The following RBFOX1 variants were observed in gnomAD, a reference collection of about 807,000 sequenced individuals.
The protein encoded by RBFOX1 is RNA binding fox-1 homolog 1, also known as RNA binding protein fox-1 homolog 1.
In RBFOX1, 8 loss-of-function variants were observed where a neutral mutation model predicts 57.7. The observed-to-expected ratio is 0.14, with a 90% confidence interval of 0.08 to 0.25. RBFOX1 has a LOEUF of 0.25. Ranked by LOEUF, RBFOX1 falls within the 10% of genes least tolerant of loss-of-function variation. The probability of loss-of-function intolerance (pLI) is 1.00; values close to 1 mark genes in which losing one functional copy is unlikely to be tolerated. For synonymous variants in RBFOX1, 326 were observed against 222.4 expected, an observed-to-expected ratio of 1.47 and a Z score of -4.15; for missense variants, 611 against 548.5, an observed-to-expected ratio of 1.11 and a Z score of -1.14.
In RBFOX1 at chr16:6,359,078, T is replaced by TTTTGTTTG. The variant is rs149046972; in HGVS notation, c.-64+42045_-64+42052dup. On this transcript the variant is annotated intron_variant, in intron 2 of 15. Transcript: ENST00000550418. Reference sequence around the variant, plus strand: ...ATGCTCAGCTTGTTGTTGAAAGGGTTTTTGTTTGTTTGTTTGTTTGTTTGT... The same window carrying TTTTGTTTG: ...ATGCTCAGCTTGTTGTTGAAAGGGTTTTTGTTTGTTTGTTTGTTTGTTTGTTTGTTTGT... Among the ~76,000 whole-genome samples, 1,126 of 151,160 alleles carry TTTTGTTTG rather than the reference T, an allele frequency of 7.4e-3. 19 individuals are homozygous for TTTTGTTTG. Among genetic ancestry groups the TTTTGTTTG allele is most frequent in the African/African-American group, 0.025 (1,014 of 40,928 alleles).
intron 4 of RBFOX1, among the ~76,000 whole-genome samples, chr16:7,224,552 G>C (rs1042733166): frequency 6.6e-6 from 1 of 152,152 alleles, no homozygotes; most frequent in African/African-American, 2.4e-5. Flanking sequence ...ATCAGAGGGA[G>C]GTTTGAGCAT....
chr16:7,168,479 A>G (rs373801752), intron 4 of RBFOX1, among the ~76,000 whole-genome samples: 1 of 152,184 alleles, frequency 6.6e-6, no homozygotes, highest in East Asian at 1.9e-4. Flanking sequence ...AGAGGTGGCT[A>G]TAGGAAACCT....
intron 3 of RBFOX1, among the ~76,000 whole-genome samples, chr16:5,808,629 C>T (rs1197057068): frequency 6.6e-6 from 1 of 152,108 alleles, no homozygotes; most frequent in Non-Finnish European, 1.5e-5. Context: ...TGAAGAGGTC[C>T]TTTACGTCCC....
chr16:6,352,189 C>A (rs1280213318), intron 2 of RBFOX1, among the ~76,000 whole-genome samples: 1 of 152,156 alleles, frequency 6.6e-6, no homozygotes, highest in African/African-American at 2.4e-5. Context: ...ATATTCTCTG[C>A]TTTATTTTCC....
chr16:7,097,039 C>T (rs1436555620), intron 4 of RBFOX1, among the ~76,000 whole-genome samples: 1 of 148,176 alleles, frequency 6.7e-6, no homozygotes, highest in Admixed American at 6.7e-5. Flanking sequence ...TTGGTAAAAA[C>T]AACAGATGCC....
chr16:6,330,279 T>C (rs1404883203), intron 2 of RBFOX1, among the ~76,000 whole-genome samples: 2 of 152,182 alleles, frequency 1.3e-5, no homozygotes, highest in South Asian at 2.1e-4. Flanking sequence ...CTGAAACAGA[T>C]TGCAAGCTCC....
intron 3 of RBFOX1, among the ~76,000 whole-genome samples, chr16:6,773,546 GGGT>G (rs2078793639): frequency 7.2e-6 from 1 of 139,610 alleles, no homozygotes. Flanking sequence ...GGGGGGCATA[GGGT>G]GCATTTGTGT....
chr16:6,988,301 C>T (rs910955147), intron 3 of RBFOX1, among the ~76,000 whole-genome samples: 11 of 152,096 alleles, frequency 7.2e-5, no homozygotes, highest in Non-Finnish European at 1.5e-4. Flanking sequence ...GCAGTGTAGT[C>T]TATTGGAGTT....
chr16:5,534,916 A>G (rs912712882), intron 2 of RBFOX1, among the ~76,000 whole-genome samples: 3 of 152,184 alleles, frequency 2.0e-5, no homozygotes, highest in East Asian at 3.9e-4. Context: ...AAAATGACCA[A>G]TTTTCAGAAT....
In RBFOX1 at chr16:6,980,688, C is replaced by A. The variant is rs539477236; in HGVS notation, c.-15-71369C>A. 2.0e-5 allele frequency among the ~76,000 whole-genome samples: 3 copies of A among 152,008 alleles called. No homozygotes were observed. The East Asian group carries it at 5.8e-4, about 29-fold the overall frequency. On this transcript the variant is annotated intron_variant, in intron 3 of 15. Coordinates refer to ENST00000550418, the MANE Select transcript of RBFOX1 (RefSeq NM_018723.4). The stretch of plus-strand genomic sequence containing the variant: ...AATACAGCTAAATTTCTGACTCTCC[C>A]GGAGATAATTTGGAGGGAGCAATGT...
intron 3 of RBFOX1, among the ~76,000 whole-genome samples, chr16:5,684,004 G>A (rs753920444): frequency 2.0e-5 from 3 of 151,880 alleles, no homozygotes; most frequent in East Asian, 3.9e-4. Context: ...TTATCACAGC[G>A]TAGGAGAATG....
intron 1 of RBFOX1, among the ~76,000 whole-genome samples, chr16:6,229,929 C>G (rs914475343): frequency 1.3e-5 from 2 of 151,850 alleles, no homozygotes; most frequent in Admixed American, 6.6e-5. Flanking sequence ...TGATCCTCAT[C>G]CCTTATTTTA....
intron 1 of RBFOX1, among the ~76,000 whole-genome samples, chr16:5,406,994 T>G (rs774642797): frequency 6.6e-6 from 1 of 152,214 alleles, no homozygotes; most frequent in Non-Finnish European, 1.5e-5. Context: ...TTCACACTGC[T>G]ATATAAAGAT....
intron 3 of RBFOX1, among the ~76,000 whole-genome samples, chr16:5,824,913 G>A (rs1229614445): frequency 6.6e-6 from 1 of 152,200 alleles, no homozygotes; most frequent in African/African-American, 2.4e-5. Context: ...ATAACTAGAT[G>A]TTTCATACTG....
intron 5 of RBFOX1, among the ~76,000 whole-genome samples, chr16:7,571,985 G>C (rs1033839016): frequency 6.6e-6 from 1 of 152,132 alleles, no homozygotes; most frequent in Non-Finnish European, 1.5e-5. Flanking sequence ...AAATTAGCTG[G>C]GCTTGGTGGC....
intron 3 of RBFOX1, among the ~76,000 whole-genome samples, chr16:6,662,895 A>G (rs943636180): frequency 1.3e-5 from 2 of 152,222 alleles, no homozygotes; most frequent in African/African-American, 4.8e-5. Context: ...AGACTCGTAA[A>G]ACATTTATTG....
intron 3 of RBFOX1, among the ~76,000 whole-genome samples, chr16:6,731,398 C>G (rs1281079536): frequency 1.3e-5 from 2 of 152,124 alleles, no homozygotes; most frequent in Non-Finnish European, 2.9e-5. Flanking sequence ...TCAGTGACCT[C>G]ACATCTCATC....
At chr16:5,948,380 A>G (rs1395322730) in intron 4 of RBFOX1, among the ~76,000 whole-genome samples, 1 of 152,118 alleles carries the variant, frequency 6.6e-6, no homozygotes, top group Non-Finnish European at 1.5e-5. Flanking sequence ...AGCAGTGGGG[A>G]CATTGATTTC....
intron 3 of RBFOX1, among the ~76,000 whole-genome samples, chr16:6,716,042 G>C (rs1955671148): frequency 1.3e-5 from 2 of 152,068 alleles, no homozygotes; most frequent in African/African-American, 4.8e-5. Flanking sequence ...TTACGGTTTT[G>C]TGAGCTCACA....
Sources: allele counts gnomAD v4.1 joint callset (sites outside exome capture counted in the v4.1 genomes callset), GRCh38; gene constraint gnomAD v4.1.1; transcripts MANE v1.5; gene names NCBI Gene and HGNC (gene_info 2026-07-23, HGNC 2026-07-21).